Variants in STRIP2 observed in about 807,000 individuals in gnomAD.
STRIP2 encodes striatin-interacting protein 2.
STRIP2 carries 84 observed loss-of-function variants against 107.1 expected under a neutral mutation model. That is an observed-to-expected ratio of 0.78 (90% CI 0.66 to 0.94). The LOEUF (loss-of-function observed/expected upper bound fraction) is 0.94. STRIP2 is among the 40% of genes least tolerant of loss of function. The pLI, the probability that STRIP2 is intolerant of heterozygous loss-of-function variation, is 0.00. For synonymous variants in STRIP2, 394 were observed against 400.4 expected (o/e 0.98, Z 0.19); for missense variants, 888 against 1,034.2 (o/e 0.86, Z 1.94).
intron 7 of STRIP2, 35 bp downstream of exon 7, chr7:129,454,562 G>A (rs376457757): frequency 5.2e-6 from 7 of 1,353,506 alleles, no homozygotes; most frequent in Non-Finnish European, 6.4e-6. Context: ...TGTGGATGGG[G>A]TGCTAATGGG....
rs1189310692 is a variant in STRIP2, at chr7:129,434,447, C to T, written c.-26C>T. The T allele has an allele frequency of 5.4e-6, 8 of 1,490,636 alleles. No individual in the cohort carries two copies. The East Asian group carries it at 1.9e-4, about 36-fold the overall frequency. 92.3% of individuals were successfully genotyped at this position (1,490,636 alleles called of 1,614,324 possible). A position where few individuals can be genotyped will look rare whatever the true frequency, so the allele number is the denominator to read the frequency against. ...TCGCCTCCGGCAAAGCGAGCTGAAC[C>T]CTGAGGGGAGCCGCTGACCAGCAGC... is the stretch of plus-strand genomic sequence containing the variant. On this transcript the variant is annotated 5_prime_UTR_variant, in exon 1 of 21. Coordinates refer to ENST00000249344, the MANE Select transcript of STRIP2 (RefSeq NM_020704.3).
chr7:129,438,106 AT>A (rs1797799492), intron 1 of STRIP2, among the ~76,000 whole-genome samples: 1 of 152,164 alleles, frequency 6.6e-6, no homozygotes, highest in South Asian at 2.1e-4. Flanking sequence ...CGCCCGGCCA[AT>A]TTGCTTTGTT....
chr7:129,482,534 C>T (rs945695364), intron 19 of STRIP2, among the ~76,000 whole-genome samples: 5 of 151,716 alleles, frequency 3.3e-5, no homozygotes, highest in Non-Finnish European at 4.4e-5. Context: ...CATGCCACCA[C>T]GCCTGGCTAA....
At chr7:129,462,123 AAGG>A (rs1798554600) in intron 13 of STRIP2, among the ~76,000 whole-genome samples, 1 of 152,194 alleles carries the variant, frequency 6.6e-6, no homozygotes, top group Non-Finnish European at 1.5e-5. Context: ...ATGGTGGGCA[AAGG>A]AGTTGGTTTG....
intron 17 of STRIP2, among the ~76,000 whole-genome samples, chr7:129,469,679 G>C (rs987975908): frequency 6.6e-6 from 1 of 152,170 alleles, no homozygotes; most frequent in Non-Finnish European, 1.5e-5. Context: ...CTCCTACCCT[G>C]GTCCCCCAGG....
Position 129,468,498 on chromosome 7 carries a change from A to C in STRIP2, c.1877+1048A>C, listed in dbSNP as rs535771672. Among the ~76,000 whole-genome samples, 43 of 152,370 alleles carry C rather than the reference A, an allele frequency of 2.8e-4. 2 individuals are homozygous for C. In the South Asian group the frequency reaches 8.1e-3, roughly 29 times the overall value. ...AGGATAGCTTTTCTGACTATATCATAGAACTTTTATAAGCATTAGTTAATA... is the reference window on the plus strand; with the variant it reads ...AGGATAGCTTTTCTGACTATATCATCGAACTTTTATAAGCATTAGTTAATA... On this transcript the variant is annotated intron_variant, in intron 17 of 20. Coordinates refer to ENST00000249344, the MANE Select transcript of STRIP2 (RefSeq NM_020704.3).
chr7:129,464,096 C>G lies in STRIP2; in HGVS notation c.1604C>G (p.Thr535Arg). Residue 535 changes from threonine to arginine, a missense_variant, in exon 15 of 21, where the codon ACA becomes AGA. Thr to Arg is a moderately conservative substitution (Grantham distance 71, BLOSUM62 -1). Coordinates refer to ENST00000249344, the MANE Select transcript of STRIP2 (RefSeq NM_020704.3). ...LAAAPTSKAK[T>R]DSINILADVL... ...GCAGCTCCCACCTCTAAGGCTAAGA[C>G]AGACTCTATCAATATCCTGGCAGAT... 1 of 1,613,420 alleles carries G rather than the reference C, an allele frequency of 6.2e-7. No homozygotes were observed. The highest frequency in any genetic ancestry group is 8.5e-7 in the Non-Finnish European group (1 of 1,180,006).
intron 13 of STRIP2, among the ~76,000 whole-genome samples, chr7:129,462,053 C>T (rs559156876): frequency 5.9e-5 from 9 of 152,264 alleles, no homozygotes; most frequent in African/African-American, 1.9e-4. Flanking sequence ...GAGTGTGTGC[C>T]TGTCTGATTG....
chr7:129,462,901 C>T, intron 13 of STRIP2, 65 bp from the exon 14 acceptor site: 10 of 1,381,892 alleles, frequency 7.2e-6, no homozygotes, highest in Non-Finnish European at 1.0e-5. Context: ...CCCTCACAAC[C>T]AAGAAAAAAA....
chr7:129,481,827 T>C (rs1799123788), intron 19 of STRIP2, among the ~76,000 whole-genome samples: 1 of 152,016 alleles, frequency 6.6e-6, no homozygotes, highest in South Asian at 2.1e-4. Context: ...AAAAACCAGG[T>C]ATAGAACAGT....
At chr7:129,485,523 T>C (rs1300503702) in intron 20 of STRIP2, 56 bp from the exon 21 acceptor site, 1 of 1,595,598 alleles carries the variant, frequency 6.3e-7, no homozygotes, top group African/African-American at 1.3e-5. Context: ...TGCTCTGTGA[T>C]AAGAGGAGCA....
intron 4 of STRIP2, 109 bp from the exon 5 acceptor site, chr7:129,453,118 T>TA: frequency 6.7e-7 from 1 of 1,494,866 alleles, no homozygotes; most frequent in Non-Finnish European, 9.1e-7. Context: ...TATGTCAGCC[T>TA]AATTATTAGG....
Position 129,463,059 on chromosome 7 carries a change from C to G in STRIP2, c.1551+19C>G. ...GTATATGGTAAGGAGATGGCTAGGCCAGAGCTGCCCTTCTCTGCTGCAAGG... is the reference window on the plus strand; with the variant it reads ...GTATATGGTAAGGAGATGGCTAGGCGAGAGCTGCCCTTCTCTGCTGCAAGG... On this transcript the variant is annotated intron_variant, in intron 14 of 20. Transcript: ENST00000249344. 1 of 1,596,228 alleles carries G rather than the reference C, an allele frequency of 6.3e-7. No homozygotes were observed. Among genetic ancestry groups the G allele is most frequent in the Non-Finnish European group, 8.6e-7 (1 of 1,166,772 alleles).
At chr7:129,459,441 C>G (rs1798464877) in intron 11 of STRIP2, 76 bp from the exon 12 acceptor site, 1 of 1,275,736 alleles carries the variant, frequency 7.8e-7, no homozygotes, top group African/African-American at 1.5e-5. Context: ...GGTCTGTTGA[C>G]TCTAGGGGGG....
At chr7:129,439,885 A>G in intron 1 of STRIP2, 137 bp from the exon 2 acceptor site, 1 of 683,804 alleles carries the variant, frequency 1.5e-6, no homozygotes, top group East Asian at 2.8e-5. Context: ...GAAAGACCCA[A>G]ATAGGACTCT....
At chr7:129,479,342 A>C (rs1396579261) in intron 18 of STRIP2, among the ~76,000 whole-genome samples, 4 of 152,054 alleles carry the variant, frequency 2.6e-5, no homozygotes, top group Admixed American at 6.6e-5. Flanking sequence ...CGTCTGTAGA[A>C]CTTGGTCTAT....
At chr7:129,455,990 T>C (rs988776779) in intron 8 of STRIP2, among the ~76,000 whole-genome samples, 1 of 152,118 alleles carries the variant, frequency 6.6e-6, no homozygotes, top group Non-Finnish European at 1.5e-5. Context: ...TACATTTCTG[T>C]TACTAGTTAT....
At chr7:129,449,604 C>T (rs4728165) in intron 3 of STRIP2, among the ~76,000 whole-genome samples, 46,929 of 152,012 alleles carry the variant, frequency 0.31, 8,482 homozygotes, top group East Asian at 0.6. Flanking sequence ...TCAGAGTTTA[C>T]AAACTCAGTG....
intron 16 of STRIP2, among the ~76,000 whole-genome samples, chr7:129,465,752 A>G (rs1798655653): frequency 6.6e-6 from 1 of 152,172 alleles, no homozygotes; most frequent in Non-Finnish European, 1.5e-5. Context: ...CATTGCCAAG[A>G]TATAGGGACA....
Sources: allele counts gnomAD v4.1 joint callset (sites outside exome capture counted in the v4.1 genomes callset), GRCh38; gene constraint gnomAD v4.1.1; transcripts MANE v1.5; gene names NCBI Gene and HGNC (gene_info 2026-07-23, HGNC 2026-07-21).